UBAC2: variants seen among roughly 807,000 people sequenced by gnomAD.
The protein encoded by UBAC2 is ubiquitin-associated domain-containing protein 2.
In UBAC2, 26 loss-of-function variants were observed where a neutral mutation model predicts 44.0. The ratio of observed to expected loss-of-function variants is 0.59; its 90% CI spans 0.43 to 0.82. UBAC2 has a LOEUF of 0.82. Ranked by LOEUF, UBAC2 falls within the 40% of genes least tolerant of loss-of-function variation. UBAC2 has a pLI of 0.00. For synonymous variants in UBAC2, 155 were observed against 154.3 expected, an observed-to-expected ratio of 1.00 and a Z score of -0.04; for missense variants, 329 against 419.4, an observed-to-expected ratio of 0.78 and a Z score of 1.88.
At chr13:99,283,509 G>A (rs1175634378) in intron 4 of UBAC2, among the ~76,000 whole-genome samples, 1 of 151,890 alleles carries the variant, frequency 6.6e-6, no homozygotes, top group Non-Finnish European at 1.5e-5. Context: ...ATATGTTCCT[G>A]ATTTAAATGA....
rs940244272 is a variant in UBAC2, at chr13:99,282,293, G to C, written c.390-31804G>C. ...ATGCTGGGTGGTAGATAGAACCCTGGAAAGAGTTAGCCCACACCCTTGAGG... is the reference window on the plus strand; with the variant it reads ...ATGCTGGGTGGTAGATAGAACCCTGCAAAGAGTTAGCCCACACCCTTGAGG... On this transcript the variant is annotated intron_variant, in intron 4 of 8. Coordinates refer to ENST00000403766, the MANE Select transcript of UBAC2 (RefSeq NM_001144072.2). Among the ~76,000 whole-genome samples the C allele has an allele frequency of 2.6e-5, 4 of 152,294 alleles. No homozygotes were observed. In the South Asian group the frequency reaches 8.3e-4, roughly 32 times the overall value.
intron 1 of UBAC2, among the ~76,000 whole-genome samples, chr13:99,222,677 T>G (rs2043063829): frequency 6.6e-6 from 1 of 152,210 alleles, no homozygotes; most frequent in South Asian, 2.1e-4. Context: ...TTACATTGAT[T>G]TGCTTTGCAT....
At chr13:99,379,655 A>G (rs1347268616) in intron 8 of UBAC2, among the ~76,000 whole-genome samples, 1 of 152,134 alleles carries the variant, frequency 6.6e-6, no homozygotes, top group East Asian at 1.9e-4. Context: ...TCTATTTTTC[A>G]TTAATTTCTG....
intron 1 of UBAC2, among the ~76,000 whole-genome samples, chr13:99,209,190 A>C (rs1186906851): frequency 6.6e-6 from 1 of 152,176 alleles, no homozygotes; most frequent in Admixed American, 6.5e-5. Flanking sequence ...AGCACATGAA[A>C]TAGGCCATCG....
intron 8 of UBAC2, 132 bp downstream of exon 8, chr13:99,368,038 T>C (rs2045354813): frequency 1.7e-6 from 2 of 1,182,222 alleles, no homozygotes; most frequent in Admixed American, 2.7e-5. Flanking sequence ...TCTGCCACCA[T>C]GATAGAGACT....
At chr13:99,381,974 C>G (rs2045557214) in intron 8 of UBAC2, among the ~76,000 whole-genome samples, 1 of 152,154 alleles carries the variant, frequency 6.6e-6, no homozygotes, top group African/African-American at 2.4e-5. Flanking sequence ...TCACCAAGAC[C>G]TTTGACAACA....
At chr13:99,339,399 C>T (rs1340011126) in intron 6 of UBAC2, among the ~76,000 whole-genome samples, 1 of 152,218 alleles carries the variant, frequency 6.6e-6, no homozygotes, top group African/African-American at 2.4e-5. Flanking sequence ...TGATTACTGC[C>T]TGTTCTCCAC....
At chr13:99,216,834 C>CTTTTTTTTTTTTTT (rs11338165) in intron 1 of UBAC2, among the ~76,000 whole-genome samples, 2 of 140,622 alleles carry the variant, frequency 1.4e-5, no homozygotes, top group African/African-American at 5.3e-5. Flanking sequence ...TTTCTTTTTT[C>CTTTTTTTTTTTTTT]TTTTTTTTTT....
intron 4 of UBAC2, among the ~76,000 whole-genome samples, chr13:99,276,531 G>T (rs369611878): frequency 6.6e-6 from 1 of 152,226 alleles, no homozygotes; most frequent in African/African-American, 2.4e-5. Flanking sequence ...CGGAGCTCTC[G>T]TGCCTTCTGT....
intron 1 of UBAC2, among the ~76,000 whole-genome samples, chr13:99,216,225 C>T (rs575503331): frequency 2.0e-5 from 3 of 152,084 alleles, no homozygotes; most frequent in East Asian, 1.9e-4. Flanking sequence ...CCTCAGCCTC[C>T]GAAGTAGTAG....
chr13:99,368,664 A>G (rs2045362819), intron 8 of UBAC2, among the ~76,000 whole-genome samples: 1 of 150,326 alleles, frequency 6.7e-6, no homozygotes, highest in Non-Finnish European at 1.5e-5. Context: ...AGGAATTATC[A>G]CTATCATCGT....
intron 6 of UBAC2, among the ~76,000 whole-genome samples, chr13:99,328,410 A>G (rs1157269247): frequency 6.6e-6 from 1 of 152,236 alleles, no homozygotes; most frequent in African/African-American, 2.4e-5. Context: ...ACATTAGGAA[A>G]TACTACCATG....
intron 4 of UBAC2, among the ~76,000 whole-genome samples, chr13:99,250,179 T>C (rs1361080174): frequency 6.6e-6 from 1 of 152,240 alleles, no homozygotes; most frequent in Non-Finnish European, 1.5e-5. Context: ...TCTTCTAGGA[T>C]TCTTATAGTT....
chr13:99,338,818 A>G (rs1276810863), intron 6 of UBAC2, among the ~76,000 whole-genome samples: 1 of 152,210 alleles, frequency 6.6e-6, no homozygotes, highest in Non-Finnish European at 1.5e-5. Context: ...TATCAGCTGC[A>G]TTAGATATAG....
intron 8 of UBAC2, among the ~76,000 whole-genome samples, chr13:99,371,823 G>A (rs865806963): frequency 1.4e-4 from 21 of 152,214 alleles, no homozygotes; most frequent in African/African-American, 5.1e-4. Flanking sequence ...GACATGAAAT[G>A]TATGCCATGT....
intron 4 of UBAC2, chr13:99,294,780 A>G: frequency 4.0e-6 from 1 of 248,954 alleles, no homozygotes; most frequent in Non-Finnish European, 7.7e-6. Context: ...TTTTATTAAA[A>G]CAAAACTTTT....
chr13:99,313,991 C>T lies in UBAC2; in HGVS notation c.390-106C>T, dbSNP rs2044450096. ...ATCAATATGTATATCTAAGACCATGCTTTCAGACTGAAATAAAATTATAAG... is the reference window on the plus strand; with the variant it reads ...ATCAATATGTATATCTAAGACCATGTTTTCAGACTGAAATAAAATTATAAG... On this transcript the variant is annotated intron_variant, in intron 4 of 8. Transcript: ENST00000403766. 5.5e-6 allele frequency: 6 copies of T among 1,097,232 alleles called. No individual in the cohort carries two copies. In the Admixed American group the frequency reaches 1.2e-4, roughly 22 times the overall value. The allele number at this position is 1,097,232 out of a possible 1,614,324, so 68.0% of individuals were successfully genotyped here. A position where few individuals can be genotyped will look rare whatever the true frequency, so the allele number is the denominator to read the frequency against.
At chr13:99,237,643 G>C (rs1367607502) in intron 1 of UBAC2, among the ~76,000 whole-genome samples, 2 of 152,222 alleles carry the variant, frequency 1.3e-5, no homozygotes, top group African/African-American at 4.8e-5. Flanking sequence ...TCAGCCTAAA[G>C]AAAAGAGAGA....
intron 1 of UBAC2, among the ~76,000 whole-genome samples, chr13:99,232,421 T>TATATATATATA (rs61314371): frequency 1.4e-4 from 19 of 139,804 alleles, no homozygotes; most frequent in South Asian, 4.4e-4. Context: ...TATATATATA[T>TATATATATATA]TCACACACAC....
Sources: allele counts gnomAD v4.1 joint callset (sites outside exome capture counted in the v4.1 genomes callset), GRCh38; gene constraint gnomAD v4.1.1; transcripts MANE v1.5; gene names NCBI Gene and HGNC (gene_info 2026-07-23, HGNC 2026-07-21).